Variants in DLGAP1 observed in about 807,000 individuals in gnomAD.
DLGAP1 encodes DLG associated protein 1.
DLGAP1 carries 11 observed loss-of-function variants against 90.8 expected under a neutral mutation model. The observed-to-expected ratio is 0.12, with a 90% confidence interval of 0.08 to 0.20. The LOEUF is 0.20. Ranked by LOEUF, DLGAP1 falls within the 10% of genes least tolerant of loss-of-function variation. The pLI, the probability that DLGAP1 is intolerant of heterozygous loss-of-function variation, is 1.00. For missense variants in DLGAP1, 1,050 were observed against 1,333.8 expected, an observed-to-expected ratio of 0.79 and a Z score of 3.31; for synonymous variants, 558 against 540.7, an observed-to-expected ratio of 1.03 and a Z score of -0.44.
intron 3 of DLGAP1, among the ~76,000 whole-genome samples, chr18:3,966,558 CTG>C (rs2073336822): frequency 2.0e-5 from 3 of 152,036 alleles, no homozygotes; most frequent in Admixed American, 6.6e-5. Context: ...GGACTAGAAA[CTG>C]TTTGGGAGCC....
chr18:4,026,150 T>G (rs1008271898), intron 2 of DLGAP1, among the ~76,000 whole-genome samples: 1 of 151,704 alleles, frequency 6.6e-6, no homozygotes, highest in African/African-American at 2.4e-5. Context: ...TTGACCTCTG[T>G]CATCTACACA....
At chr18:3,776,143 G>A (rs761788981) in intron 5 of DLGAP1, among the ~76,000 whole-genome samples, 11 of 152,172 alleles carry the variant, frequency 7.2e-5, no homozygotes, top group South Asian at 2.1e-4. Context: ...TGTGCATTCC[G>A]CATACGGGAT....
intron 1 of DLGAP1, among the ~76,000 whole-genome samples, chr18:4,162,067 C>T (rs923646096): frequency 6.6e-6 from 1 of 152,052 alleles, no homozygotes; most frequent in Non-Finnish European, 1.5e-5. Flanking sequence ...GTTACCTGTG[C>T]CAGACAATGT....
At chr18:4,188,479 C>T (rs758090354) in intron 1 of DLGAP1, among the ~76,000 whole-genome samples, 6 of 152,004 alleles carry the variant, frequency 3.9e-5, no homozygotes, top group Non-Finnish European at 8.8e-5. Context: ...CCTCACACCC[C>T]GACAAGGCCC....
chr18:3,905,077 A>G (rs925875419), intron 3 of DLGAP1, among the ~76,000 whole-genome samples: 25 of 151,716 alleles, frequency 1.6e-4, no homozygotes, highest in African/African-American at 6.1e-4. Context: ...GTTGAAATGT[A>G]CCTGAATAGG....
chr18:3,613,683 T>A (rs951607794), intron 7 of DLGAP1, among the ~76,000 whole-genome samples: 2 of 152,146 alleles, frequency 1.3e-5, no homozygotes, highest in African/African-American at 4.8e-5. Flanking sequence ...GAAGTATGAA[T>A]TTATGAACAA....
intron 10 of DLGAP1, among the ~76,000 whole-genome samples, chr18:3,511,081 T>C (rs962795381): frequency 2.0e-5 from 3 of 152,198 alleles, no homozygotes; most frequent in African/African-American, 7.2e-5. Flanking sequence ...GGCTCCAGGA[T>C]ACTTGCAATT....
chr18:3,738,986 A>T (rs1273870933), intron 6 of DLGAP1, among the ~76,000 whole-genome samples: 1 of 151,112 alleles, frequency 6.6e-6, no homozygotes, highest in Admixed American at 6.6e-5. Context: ...GACACTTCTC[A>T]AAAGAAGACA....
At chr18:3,945,875 G>A (rs922643336) in intron 3 of DLGAP1, among the ~76,000 whole-genome samples, 3 of 152,150 alleles carry the variant, frequency 2.0e-5, no homozygotes, top group Non-Finnish European at 4.4e-5. Context: ...TTACCATATA[G>A]TTATGGGAAT....
At chr18:3,701,223 C>T (rs1045357910) in intron 7 of DLGAP1, among the ~76,000 whole-genome samples, 9 of 152,088 alleles carry the variant, frequency 5.9e-5, no homozygotes, top group African/African-American at 2.2e-4. Flanking sequence ...ATCAGAGGAG[C>T]CAAATGCCAC....
chr18:4,393,241 T>C (rs1481701433), intron 1 of DLGAP1, among the ~76,000 whole-genome samples: 1 of 152,204 alleles, frequency 6.6e-6, no homozygotes, highest in Admixed American at 6.5e-5. Context: ...CCGCAGCCTA[T>C]GAAAACTCTG....
chr18:3,596,361 T>G (rs1329840484), intron 7 of DLGAP1, among the ~76,000 whole-genome samples: 4 of 152,086 alleles, frequency 2.6e-5, no homozygotes, highest in Admixed American at 2.0e-4. Context: ...GGTTTCACCA[T>G]GTGGGCCAGG....
chr18:3,991,894 C>T (rs1190682706), intron 3 of DLGAP1, among the ~76,000 whole-genome samples: 1 of 152,112 alleles, frequency 6.6e-6, no homozygotes, highest in Non-Finnish European at 1.5e-5. Flanking sequence ...CTTTCTTTAT[C>T]GAAGACCACG....
chr18:3,664,360 AATG>A (rs1411471417), intron 7 of DLGAP1, among the ~76,000 whole-genome samples: 1 of 152,264 alleles, frequency 6.6e-6, no homozygotes, highest in East Asian at 1.9e-4. Flanking sequence ...GGTATAATAT[AATG>A]ATTGTTTTTC....
At position 3,668,792 on chromosome 18, in the gene DLGAP1, G is replaced by A. The variant is rs529382422; in HGVS notation, c.1591+60343C>T. 1.4e-4 allele frequency among the ~76,000 whole-genome samples: 21 copies of A among 152,218 alleles called. No homozygotes were observed. In the South Asian group the frequency reaches 2.5e-3, roughly 18 times the overall value. ...GCAGGCAGATCACCTAAGGCCAGGA[G>A]TTCGAGGCCATCCTGGGCAACATGG... On this transcript the variant is annotated intron_variant, in intron 7 of 12. Transcript: ENST00000315677.
intron 7 of DLGAP1, among the ~76,000 whole-genome samples, chr18:3,662,858 T>C (rs2059734131): frequency 6.6e-6 from 1 of 152,232 alleles, no homozygotes; most frequent in Non-Finnish European, 1.5e-5. Flanking sequence ...CAGTATACGT[T>C]GGACATATAT....
At chr18:4,276,425 C>G (rs893105303) in intron 1 of DLGAP1, among the ~76,000 whole-genome samples, 1 of 151,964 alleles carries the variant, frequency 6.6e-6, no homozygotes, top group African/African-American at 2.4e-5. Flanking sequence ...CACTCGAGGT[C>G]AGGAGCTCAA....
chr18:3,815,934 T>C (rs2067083098), intron 4 of DLGAP1, among the ~76,000 whole-genome samples: 1 of 152,128 alleles, frequency 6.6e-6, no homozygotes, highest in Non-Finnish European at 1.5e-5. Context: ...GAGTTAGCAG[T>C]AATGGTGATG....
At chr18:4,169,410 G>A (rs998619553) in intron 1 of DLGAP1, among the ~76,000 whole-genome samples, 1 of 152,156 alleles carries the variant, frequency 6.6e-6, no homozygotes, top group African/African-American at 2.4e-5. Flanking sequence ...GATCAGAAAA[G>A]TAAATTATTT....
Sources: allele counts gnomAD v4.1 joint callset (sites outside exome capture counted in the v4.1 genomes callset), GRCh38; gene constraint gnomAD v4.1.1; transcripts MANE v1.5; gene names NCBI Gene and HGNC (gene_info 2026-07-23, HGNC 2026-07-21).